ADGRA2: variants seen among roughly 807,000 people sequenced by gnomAD.
The protein encoded by ADGRA2 is adhesion G protein-coupled receptor A2, also known as G-protein coupled receptor 124.
A neutral mutation model predicts 98.7 loss-of-function variants in ADGRA2; 61 were observed. The observed-to-expected ratio is 0.62, with a 90% CI of 0.50 to 0.76. The LOEUF (loss-of-function observed/expected upper bound fraction) is 0.76. Ranked by LOEUF, ADGRA2 falls within the 30% of genes least tolerant of loss-of-function variation. The probability of loss-of-function intolerance (pLI) is 0.00; values close to 1 mark genes in which losing one functional copy is unlikely to be tolerated. For missense variants in ADGRA2, 1,712 were observed against 1,860.0 expected (o/e 0.92, Z 1.46); for synonymous variants, 858 against 831.5 (o/e 1.03, Z -0.55).
chr8:37,844,369 T>C lies in ADGRA2; in HGVS notation c.*2014T>C. On this transcript the variant is annotated 3_prime_UTR_variant, in exon 19 of 19. Transcript: ENST00000412232. ...AGGGTCCAACTAATGGCAGAGCCCC[T>C]CTTGGTTCCTTCAAACAAGAAAAGC... 1 of 1,357,102 alleles carries C rather than the reference T, an allele frequency of 7.4e-7. No homozygotes were observed. The highest frequency in any genetic ancestry group is 1.0e-6 in the Non-Finnish European group (1 of 985,272). 84.1% of individuals were successfully genotyped at this position (1,357,102 alleles called of 1,614,324 possible).
intron 1 of ADGRA2, among the ~76,000 whole-genome samples, chr8:37,813,898 C>A (rs957148135): frequency 6.6e-6 from 1 of 152,210 alleles, no homozygotes; most frequent in Non-Finnish European, 1.5e-5. Context: ...TGTTCCTTCC[C>A]ACTTCCCCCT....
chr8:37,842,382 G>T lies in ADGRA2; in HGVS notation c.*27G>T. 6.9e-7 allele frequency: 1 copy of T among 1,443,964 alleles called. No individual in the cohort carries two copies. The highest frequency in any genetic ancestry group is 2.7e-5 in the East Asian group (1 of 36,862). 89.4% of individuals were successfully genotyped at this position (1,443,964 alleles called of 1,614,324 possible). A position where few individuals can be genotyped will look rare whatever the true frequency, so the allele number is the denominator to read the frequency against. ...GTGGGGCGGGCGACGCGGTAGACGG[G>T]CTGGCCACGCGGCTCGTTCCCCCGC... On this transcript the variant is annotated 3_prime_UTR_variant, in exon 19 of 19. Transcript: ENST00000412232.
At chr8:37,832,064 C>G (rs930824926) in intron 8 of ADGRA2, among the ~76,000 whole-genome samples, 2 of 152,112 alleles carry the variant, frequency 1.3e-5, no homozygotes, top group African/African-American at 4.8e-5. Flanking sequence ...AAGACTCCAT[C>G]TCAAAAACAA....
At chr8:37,813,235 A>AT (rs1213181223) in intron 1 of ADGRA2, among the ~76,000 whole-genome samples, 3 of 151,934 alleles carry the variant, frequency 2.0e-5, no homozygotes, top group Admixed American at 6.6e-5. Context: ...CTCTAAAAAA[A>AT]TTTTTTTTAA....
Position 37,836,086 on chromosome 8 carries a change from CA to C in ADGRA2, c.2050+317del, listed in dbSNP as rs1563351736. Among the ~76,000 whole-genome samples, 130 of 137,732 alleles carry C rather than the reference CA, an allele frequency of 9.4e-4. 1 individual carries two copies. Among genetic ancestry groups the C allele is most frequent in the African/African-American group, 1.8e-3 (65 of 36,376 alleles). The allele number at this position is 137,732 out of a possible 152,430, so 90.4% of individuals were successfully genotyped here. Reference sequence around the variant, plus strand: ...ACACACACACACACACACACACACACACACACACACACCCCACAGGCCCAAT... The same window carrying C: ...ACACACACACACACACACACACACACCACACACACACCCCACAGGCCCAAT... On this transcript the variant is annotated intron_variant, in intron 13 of 18. Transcript: ENST00000412232.
chr8:37,834,227 A>G lies in ADGRA2; in HGVS notation c.1608+99A>G. ...CCGTGCCCCAGCTAGCAAGAGCAGC[A>G]GACGTGACAAAGTTCTGAGCCATGG... On this transcript the variant is annotated intron_variant, in intron 11 of 18. Transcript: ENST00000412232. This position sits in a 1 kb window ranked among gnomAD's most constrained non-coding sequence, Gnocchi z 4.2. The G allele has an allele frequency of 1.7e-6, 2 of 1,142,864 alleles. No homozygotes were observed. Among genetic ancestry groups the G allele is most frequent in the Non-Finnish European group, 2.5e-6 (2 of 814,682 alleles). 70.8% of individuals were successfully genotyped at this position (1,142,864 alleles called of 1,614,324 possible). A position where few individuals can be genotyped will look rare whatever the true frequency, so the allele number is the denominator to read the frequency against.
At chr8:37,798,611 A>G (rs1804412619) in intron 1 of ADGRA2, among the ~76,000 whole-genome samples, 1 of 152,218 alleles carries the variant, frequency 6.6e-6, no homozygotes, top group Non-Finnish European at 1.5e-5. Flanking sequence ...ATCCAGCCTA[A>G]GAGCCGCTTC....
chr8:37,832,493 G>A (rs1483822131), intron 8 of ADGRA2, among the ~76,000 whole-genome samples: 2 of 152,032 alleles, frequency 1.3e-5, no homozygotes, highest in African/African-American at 2.4e-5. Flanking sequence ...CAGACACTAT[G>A]CCTAGCTTAT....
Position 37,833,198 on chromosome 8 carries a change from CCTT to C in ADGRA2, c.1288_1290del (p.Phe430del), listed in dbSNP as rs1448703018. On this transcript the variant is annotated inframe_deletion, in exon 9 of 19. Coordinates refer to ENST00000412232, the MANE Select transcript of ADGRA2 (RefSeq NM_032777.10). ...AACGACATCACCAGGGTGCTGTACA[CCTT>C]CGTGCTGGTGAGGAGAGGCTAGGGC... is the stretch of plus-strand genomic sequence containing the variant. 6.2e-7 allele frequency: 1 copy of C among 1,610,786 alleles called. No homozygotes were observed. Among genetic ancestry groups the C allele is most frequent in the Non-Finnish European group, 8.5e-7 (1 of 1,178,602 alleles).
At chr8:37,809,969 C>T (rs1184971425) in intron 1 of ADGRA2, among the ~76,000 whole-genome samples, 2 of 152,172 alleles carry the variant, frequency 1.3e-5, no homozygotes, top group Admixed American at 1.3e-4. Flanking sequence ...CCCGATCTGT[C>T]GCTCTGCTGC....
chr8:37,835,076 G>A, intron 11 of ADGRA2, 98 bp from the exon 12 acceptor site: 1 of 790,476 alleles, frequency 1.3e-6, no homozygotes, highest in Non-Finnish European at 2.1e-6. Context: ...GATTGAAGGG[G>A]AGGACTACAG....
Position 37,802,361 on chromosome 8 carries a change from T to G in ADGRA2, c.266+4827T>G, listed in dbSNP as rs993275841. ...TCTCTTCCACCAGCTTTCCCCCATA[T>G]GGTTCTCATAAGGTCTGGGCGCAGA... On this transcript the variant is annotated intron_variant, in intron 1 of 18. Coordinates refer to ENST00000412232, the MANE Select transcript of ADGRA2 (RefSeq NM_032777.10). The surrounding 1 kb of genome is among the most constrained non-coding windows in gnomAD (Gnocchi z 4.7). 2.6e-5 allele frequency among the ~76,000 whole-genome samples: 4 copies of G among 152,084 alleles called. No individual in the cohort carries two copies. Among genetic ancestry groups the G allele is most frequent in the Non-Finnish European group, 5.9e-5 (4 of 68,018 alleles).
chr8:37,824,799 G>C (rs1389651052), intron 2 of ADGRA2, among the ~76,000 whole-genome samples: 7 of 152,098 alleles, frequency 4.6e-5, no homozygotes, highest in South Asian at 2.1e-4. Context: ...CTGGCCAAAG[G>C]TGTAAAATTT....
Position 37,842,277 on chromosome 8 carries a change from C to T in ADGRA2, c.3939C>T (p.Asp1313=), listed in dbSNP as rs773776112. Residue 1313 remains aspartate (D), a synonymous_variant, in exon 19 of 19, where the codon GAC becomes GAT. Transcript: ENST00000412232. Reference sequence around the variant, plus strand: ...CCCCCAAGGGGGGCAAGTACGACGACGTCACCCTGATGGGCGCGGAGGTAG... The same window carrying T: ...CCCCCAAGGGGGGCAAGTACGACGATGTCACCCTGATGGGCGCGGAGGTAG... ...NGAPKGGKYD[D]VTLMGAEVAS... is the part of the protein sequence containing the mutation. 1.9e-6 allele frequency: 3 copies of T among 1,578,248 alleles called. No homozygotes were observed. Among genetic ancestry groups the T allele is most frequent in the South Asian group, 1.2e-5 (1 of 86,390 alleles).
At chr8:37,838,834 C>G in intron 14 of ADGRA2, 122 bp from the exon 15 acceptor site, 1 of 1,198,898 alleles carries the variant, frequency 8.3e-7, no homozygotes, top group Non-Finnish European at 1.2e-6. Context: ...TCCTCCCTGC[C>G]CAGATGAACT....
rs1259376735 is a variant in ADGRA2 at position 37,840,854 on chromosome 8, G to C, written c.2747+5G>C. 2 of 1,528,124 alleles carry C rather than the reference G, an allele frequency of 1.3e-6. No individual in the cohort carries two copies. Among genetic ancestry groups the C allele is most frequent in the Non-Finnish European group, 1.8e-6 (2 of 1,104,156 alleles). 94.7% of individuals were successfully genotyped at this position (1,528,124 alleles called of 1,614,324 possible). A position where few individuals can be genotyped will look rare whatever the true frequency, so the allele number is the denominator to read the frequency against. ...CTACCGGGACCACAGCCCCTAGTGAGCACCCCTCCCTCCCGCCCCAAGCCT... is the reference window on the plus strand; with the variant it reads ...CTACCGGGACCACAGCCCCTAGTGACCACCCCTCCCTCCCGCCCCAAGCCT... On this transcript the variant is annotated splice_donor_5th_base_variant and intron_variant, in intron 18 of 18. Coordinates refer to ENST00000412232, the MANE Select transcript of ADGRA2 (RefSeq NM_032777.10).
chr8:37,838,396 C>T (rs185466131), intron 14 of ADGRA2, among the ~76,000 whole-genome samples: 67 of 152,066 alleles, frequency 4.4e-4, no homozygotes, highest in African/African-American at 1.2e-3. Flanking sequence ...GGATTACAGG[C>T]GTGTGCCACC....
chr8:37,815,350 G>T (rs979554803), intron 2 of ADGRA2, among the ~76,000 whole-genome samples: 1 of 152,258 alleles, frequency 6.6e-6, no homozygotes, highest in African/African-American at 2.4e-5. Flanking sequence ...GCCCTTTTCC[G>T]CCTTTCCTAC....
chr8:37,843,144 G>A lies in ADGRA2; in HGVS notation c.*789G>A, dbSNP rs1247305586. Reference sequence around the variant, plus strand: ...AGGGGAGTAGAGGGAGAGGGCAGGTGGAACTGGGGCAGAATCTAGTCATGC... The same window carrying A: ...AGGGGAGTAGAGGGAGAGGGCAGGTAGAACTGGGGCAGAATCTAGTCATGC... On this transcript the variant is annotated 3_prime_UTR_variant, in exon 19 of 19. Coordinates refer to ENST00000412232, the MANE Select transcript of ADGRA2 (RefSeq NM_032777.10). The A allele has an allele frequency of 6.6e-6, 1 of 152,358 alleles. No homozygotes were observed. Among genetic ancestry groups the A allele is most frequent in the Non-Finnish European group, 1.5e-5 (1 of 68,130 alleles). The allele number at this position is 152,358 out of a possible 1,614,324, so 9.4% of individuals were successfully genotyped here.
Sources: allele counts gnomAD v4.1 joint callset (sites outside exome capture counted in the v4.1 genomes callset), GRCh38; gene constraint gnomAD v4.1.1; non-coding constraint Gnocchi (gnomAD v3.1); transcripts MANE v1.5; gene names NCBI Gene and HGNC (gene_info 2026-07-23, HGNC 2026-07-21).